The following KAZN variants were observed in gnomAD, a reference collection of about 807,000 sequenced individuals.
The protein encoded by KAZN is kazrin.
KAZN carries 40 observed loss-of-function variants against 87.4 expected under a neutral mutation model. That is an observed-to-expected ratio of 0.46 (90% CI 0.36 to 0.60). The LOEUF is 0.60. Among genes scored for constraint, KAZN ranks in the 20% least tolerant of loss-of-function variants. The pLI, the probability that KAZN is intolerant of heterozygous loss-of-function variation, is 0.00. For missense variants in KAZN, 898 were observed against 1,073.9 expected, an observed-to-expected ratio of 0.84 and a Z score of 2.29; for synonymous variants, 466 against 458.3, an observed-to-expected ratio of 1.02 and a Z score of -0.22.
At chr1:14,413,458 C>T (rs1370767069) in intron 2 of KAZN, among the ~76,000 whole-genome samples, 2 of 151,648 alleles carry the variant, frequency 1.3e-5, no homozygotes, top group African/African-American at 2.4e-5. Context: ...GGCGTGGTGG[C>T]GGGTGCCTGT....
At chr1:14,246,732 G>A (rs981749218) in intron 2 of KAZN, among the ~76,000 whole-genome samples, 1 of 151,988 alleles carries the variant, frequency 6.6e-6, no homozygotes, top group Admixed American at 6.6e-5. Context: ...AAACAGCCTA[G>A]TTTTAGTTGT....
intron 2 of KAZN, among the ~76,000 whole-genome samples, chr1:14,191,638 T>C (rs1246377516): frequency 6.6e-6 from 1 of 152,162 alleles, no homozygotes; most frequent in Non-Finnish European, 1.5e-5. Flanking sequence ...GTCATAGTTT[T>C]TAACAGCAGA....
chr1:15,035,104 G>A (rs956262158), intron 3 of KAZN, among the ~76,000 whole-genome samples: 7 of 152,116 alleles, frequency 4.6e-5, no homozygotes, highest in East Asian at 1.9e-4. Flanking sequence ...GTGGACTCAG[G>A]AGTCCGGGGG....
rs552578963 is a variant in KAZN, at chr1:14,332,362, C to T, written c.249+151770C>T. Among the ~76,000 whole-genome samples the T allele has an allele frequency of 2.3e-4, 35 of 152,188 alleles. No individual in the cohort carries two copies. In the South Asian group the frequency reaches 5.6e-3, roughly 24 times the overall value. On this transcript the variant is annotated intron_variant, in intron 2 of 16. Transcript: ENST00000636203. ...CAGGAGGTGTGGAATTGCTGAGTCA[C>T]GGGAGATGGAATGTCCACCTTTGGG...
intron 2 of KAZN, among the ~76,000 whole-genome samples, chr1:14,367,110 T>C (rs910690055): frequency 6.6e-6 from 1 of 152,092 alleles, no homozygotes; most frequent in Non-Finnish European, 1.5e-5. Context: ...GCGCCTGTAA[T>C]CCCAGCTACT....
intron 1 of KAZN, among the ~76,000 whole-genome samples, chr1:14,129,065 T>C (rs528512701): frequency 1.3e-5 from 2 of 152,330 alleles, no homozygotes; most frequent in South Asian, 4.1e-4. Flanking sequence ...AACCAAGGCC[T>C]CCTAAAAGGC....
intron 1 of KAZN, among the ~76,000 whole-genome samples, chr1:14,172,743 G>T (rs1176935297): frequency 6.6e-6 from 1 of 152,216 alleles, no homozygotes; most frequent in African/African-American, 2.4e-5. Flanking sequence ...CCATGGCAAG[G>T]GCCTCCGTGA....
intron 1 of KAZN, among the ~76,000 whole-genome samples, chr1:14,146,429 G>C (rs1329456901): frequency 1.3e-5 from 2 of 151,140 alleles, no homozygotes; most frequent in Non-Finnish European, 2.9e-5. Context: ...CCAGCTACTC[G>C]GGAGGCTGAG....
chr1:14,332,117 T>TG (rs1376493382), intron 2 of KAZN, among the ~76,000 whole-genome samples: 5 of 152,132 alleles, frequency 3.3e-5, no homozygotes, highest in Non-Finnish European at 7.3e-5. Context: ...TAAAAGCCAT[T>TG]GTTAGCCTGC....
chr1:14,528,329 C>G (rs1672013609), intron 2 of KAZN, among the ~76,000 whole-genome samples: 1 of 94,500 alleles, frequency 1.1e-5, no homozygotes, highest in African/African-American at 4.2e-5. Context: ...CAGAGCAAGA[C>G]TCCATCTCAA....
intron 1 of KAZN, among the ~76,000 whole-genome samples, chr1:14,702,367 G>GTGTGTGTGTGTGTGT (rs1641978149): frequency 5.7e-5 from 3 of 52,698 alleles, no homozygotes; most frequent in Admixed American, 1.6e-4. Context: ...TGTGTGTGTG[G>GTGTGTGTGTGTGTGT]ATTTCTCTGT....
At chr1:13,947,001 C>T (rs540561352) in intron 1 of KAZN, among the ~76,000 whole-genome samples, 2 of 152,182 alleles carry the variant, frequency 1.3e-5, no homozygotes, top group African/African-American at 4.8e-5. Context: ...CTTGCCTCTT[C>T]CAGCTTCTGG....
At chr1:14,938,860 G>GT (rs1174579618) in intron 1 of KAZN, among the ~76,000 whole-genome samples, 1 of 152,216 alleles carries the variant, frequency 6.6e-6, no homozygotes, top group Non-Finnish European at 1.5e-5. Flanking sequence ...CCATCCTACA[G>GT]TAGGAACTTG....
intron 1 of KAZN, chr1:14,692,259 G>A: frequency 1.4e-6 from 1 of 706,086 alleles, no homozygotes; most frequent in Non-Finnish European, 2.1e-6. Flanking sequence ...CTGGCAATCT[G>A]GGATCATCAT....
intron 2 of KAZN, among the ~76,000 whole-genome samples, chr1:14,331,685 G>A (rs971153839): frequency 2.0e-5 from 3 of 151,956 alleles, no homozygotes; most frequent in South Asian, 2.1e-4. Context: ...ACTAAGCACC[G>A]TCTATCACCC....
chr1:14,276,464 C>T (rs112280379), intron 2 of KAZN, among the ~76,000 whole-genome samples: 469 of 152,210 alleles, frequency 3.1e-3, no homozygotes, highest in Non-Finnish European at 5.6e-3. Context: ...TTTGTTGCCT[C>T]GCAGTTCTAG....
chr1:14,342,777 G>A (rs954967792), intron 2 of KAZN, among the ~76,000 whole-genome samples: 7 of 152,192 alleles, frequency 4.6e-5, no homozygotes, highest in Non-Finnish European at 1.0e-4. Context: ...GGCCATCAGA[G>A]GGAACATTCT....
intron 12 of KAZN, 24 bp from the exon 13 acceptor site, chr1:15,103,996 TAAC>T (rs527666357): frequency 5.3e-5 from 85 of 1,605,748 alleles, no homozygotes; most frequent in Admixed American, 6.7e-5. Flanking sequence ...CCCTGCAGGC[TAAC>T]AAGTCCCCTG....
intron 4 of KAZN, among the ~76,000 whole-genome samples, chr1:15,045,732 A>G (rs943525873): frequency 2.1e-4 from 32 of 152,334 alleles, no homozygotes; most frequent in African/African-American, 7.7e-4. Flanking sequence ...CGGAAGGCAA[A>G]GGAGAAACAA....
Sources: gnomAD v4.1 joint callset for allele counts (sites outside exome capture counted in the v4.1 genomes callset) on GRCh38, gnomAD v4.1.1 for gene constraint, MANE v1.5 for transcripts, NCBI Gene and HGNC (gene_info 2026-07-23, HGNC 2026-07-21) for gene names.